Variants in GALNT8 observed in about 807,000 individuals in gnomAD.
GALNT8 encodes probable polypeptide N-acetylgalactosaminyltransferase 8.
Under a neutral mutation model 62.7 loss-of-function variants are expected in GALNT8, and 66 were observed. The ratio of observed to expected loss-of-function variants is 1.05; its 90% CI spans 0.86 to 1.29. The LOEUF (loss-of-function observed/expected upper bound fraction) is 1.29. Ranked by LOEUF, GALNT8 falls within the 50% of genes most tolerant of loss-of-function variation. The probability of loss-of-function intolerance (pLI) is 0.00; values close to 1 mark genes in which losing one functional copy is unlikely to be tolerated. For synonymous variants in GALNT8, 288 were observed against 294.3 expected, an observed-to-expected ratio of 0.98 and a Z score of 0.22; for missense variants, 771 against 791.8, an observed-to-expected ratio of 0.97 and a Z score of 0.32.
chr12:4,734,262 C>T (rs557778484), intron 2 of GALNT8, among the ~76,000 whole-genome samples: 182 of 152,248 alleles, frequency 1.2e-3, no homozygotes, highest in African/African-American at 2.2e-3. Flanking sequence ...AGCTGTGACT[C>T]GAGTGAACAC....
chr12:4,726,391 A>T lies in GALNT8; in HGVS notation c.212-141A>T. On this transcript the variant is annotated intron_variant, in intron 1 of 10. Coordinates refer to ENST00000252318, the MANE Select transcript of GALNT8 (RefSeq NM_017417.2). The surrounding 1 kb of genome is among the most constrained non-coding windows in gnomAD (Gnocchi z 4.1). ...GGCTGGATAAGTTCCCTGACATACT[A>T]CATCCTCTGTGACAAGAGCTTATAA... 1.6e-6 allele frequency: 1 copy of T among 635,248 alleles called. No homozygotes were observed. Among genetic ancestry groups the T allele is most frequent in the Non-Finnish European group, 2.7e-6 (1 of 368,412 alleles). The allele number at this position is 635,248 out of a possible 1,614,324, so 39.4% of individuals were successfully genotyped here.
At chr12:4,729,805 C>T (rs950957251) in intron 2 of GALNT8, among the ~76,000 whole-genome samples, 8 of 152,274 alleles carry the variant, frequency 5.3e-5, no homozygotes, top group African/African-American at 1.7e-4. Flanking sequence ...AATCTCTATA[C>T]TGTTTTCTTT....
At chr12:4,727,665 A>G (rs1292162846) in intron 2 of GALNT8, among the ~76,000 whole-genome samples, 1 of 152,198 alleles carries the variant, frequency 6.6e-6, no homozygotes, top group African/African-American at 2.4e-5. Flanking sequence ...TTCAAGTATC[A>G]TTCACATTAT....
chr12:4,769,189 A>G, intron 10 of GALNT8, among the ~76,000 whole-genome samples: 1 of 152,198 alleles, frequency 6.6e-6, no homozygotes, highest in East Asian at 1.9e-4. Flanking sequence ...TGTGAGGAGT[A>G]GTGAGGAATA....
chr12:4,758,776 CTTT>C (rs10612506), intron 6 of GALNT8, among the ~76,000 whole-genome samples: 9 of 147,038 alleles, frequency 6.1e-5, no homozygotes, highest in African/African-American at 1.5e-4. Context: ...AAACGGCAAT[CTTT>C]TTTTTTTTTT....
At chr12:4,729,697 G>A (rs1440211453) in intron 2 of GALNT8, among the ~76,000 whole-genome samples, 10 of 152,122 alleles carry the variant, frequency 6.6e-5, no homozygotes, top group Admixed American at 6.5e-4. Context: ...GAAAATGGGA[G>A]TGCAGTCTCT....
intron 6 of GALNT8, among the ~76,000 whole-genome samples, chr12:4,760,445 C>T (rs576356697): frequency 6.4e-4 from 98 of 152,290 alleles, no homozygotes; most frequent in Non-Finnish European, 1.1e-3. Context: ...CACATCCTGC[C>T]ATCCTTGCCA....
intron 6 of GALNT8, among the ~76,000 whole-genome samples, chr12:4,750,232 T>C (rs1565386722): frequency 6.6e-6 from 1 of 152,128 alleles, no homozygotes; most frequent in Non-Finnish European, 1.5e-5. Context: ...AGGTTTGTTA[T>C]ATCAGTAAAC....
At chr12:4,758,933 A>G (rs1327910164) in intron 6 of GALNT8, among the ~76,000 whole-genome samples, 2 of 151,942 alleles carry the variant, frequency 1.3e-5, no homozygotes, top group Non-Finnish European at 2.9e-5. Flanking sequence ...GCACCACCAC[A>G]CCAGGCTAAT....
In GALNT8 at chr12:4,763,328, T is replaced by C. The variant is rs750288370; in HGVS notation, c.1435T>C (p.Trp479Arg). Residue 479 changes from tryptophan to arginine, a missense_variant, in exon 8 of 11, where the codon TGG becomes CGG. Physicochemically the swap from Trp to Arg is moderately radical, Grantham distance 101 (BLOSUM62 -3). Coordinates refer to ENST00000252318, the MANE Select transcript of GALNT8 (RefSeq NM_017417.2). Reference protein sequence around the residue: ...REKLKCKTFDWYLKNVYPLLK... With the variant: ...REKLKCKTFDRYLKNVYPLLK... ...AAAACTGAAATGTAAAACTTTTGAC[T>C]GGTACCTGAAAAATGTTTATCCACT... 3 of 1,611,364 alleles carry C rather than the reference T, an allele frequency of 1.9e-6. No homozygotes were observed. Among genetic ancestry groups the C allele is most frequent in the Non-Finnish European group, 1.7e-6 (2 of 1,177,444 alleles).
chr12:4,766,196 A>G (rs760639929), intron 10 of GALNT8, among the ~76,000 whole-genome samples: 10 of 151,768 alleles, frequency 6.6e-5, no homozygotes, highest in Non-Finnish European at 1.3e-4. Flanking sequence ...GGTAAGAAAC[A>G]CTGAGTCTCT....
chr12:4,726,380 C>T lies in GALNT8; in HGVS notation c.212-152C>T. On this transcript the variant is annotated intron_variant, in intron 1 of 10. Coordinates refer to ENST00000252318, the MANE Select transcript of GALNT8 (RefSeq NM_017417.2). The surrounding 1 kb of genome is among the most constrained non-coding windows in gnomAD (Gnocchi z 4.1). ...CAGCCTTGCATGGCTGGATAAGTTC[C>T]CTGACATACTACATCCTCTGTGACA... 1.6e-6 allele frequency: 1 copy of T among 617,360 alleles called. No homozygotes were observed. The highest frequency in any genetic ancestry group is 2.8e-6 in the Non-Finnish European group (1 of 354,798). The allele number at this position is 617,360 out of a possible 1,614,324, so 38.2% of individuals were successfully genotyped here. A position where few individuals can be genotyped will look rare whatever the true frequency, so the allele number is the denominator to read the frequency against.
At chr12:4,765,567 T>C in intron 10 of GALNT8, 21 bp downstream of exon 10, 1 of 1,581,234 alleles carries the variant, frequency 6.3e-7, no homozygotes, top group Non-Finnish European at 8.7e-7. Flanking sequence ...TGTTTTTGTT[T>C]GTTGGTTTGT....
chr12:4,726,640 A>G lies in GALNT8; in HGVS notation c.320A>G (p.Asn107Ser). Residue 107 changes from asparagine to serine, a missense_variant, in exon 2 of 11, where the codon AAT (asparagine) becomes AGT (serine). Physicochemically the swap from Asn to Ser is conservative, Grantham distance 46 (BLOSUM62 1). Coordinates refer to ENST00000252318, the MANE Select transcript of GALNT8 (RefSeq NM_017417.2). The surrounding 1 kb of genome is among the most constrained non-coding windows in gnomAD (Gnocchi z 4.1). Reference sequence around the variant, plus strand: ...CTAAAGGCAATGGAAACCAAGGTGAATGAGACAAAGAAGCACAAAACCCAA... The same window carrying G: ...CTAAAGGCAATGGAAACCAAGGTGAGTGAGACAAAGAAGCACAAAACCCAA... Reference protein sequence around the residue: ...PLLKAMETKVNETKKHKTQMK... With the variant: ...PLLKAMETKVSETKKHKTQMK... The G allele has an allele frequency of 6.2e-7, 1 of 1,613,942 alleles. No homozygotes were observed. The highest frequency in any genetic ancestry group is 1.3e-5 in the African/African-American group (1 of 75,014).
At chr12:4,772,163 G>T (rs1007128077) in intron 10 of GALNT8, among the ~76,000 whole-genome samples, 1 of 152,212 alleles carries the variant, frequency 6.6e-6, no homozygotes, top group Non-Finnish European at 1.5e-5. Flanking sequence ...TCGTTCCATG[G>T]TAGTCAGTAC....
At chr12:4,744,422 A>C (rs1946286479) in intron 3 of GALNT8, 95 bp from the exon 4 acceptor site, 1 of 793,058 alleles carries the variant, frequency 1.3e-6, no homozygotes, top group Admixed American at 2.7e-5. Context: ...TTTATGCTGG[A>C]GGTAGTCCAG....
chr12:4,724,616 G>A (rs990122042), intron 1 of GALNT8, among the ~76,000 whole-genome samples: 1 of 152,180 alleles, frequency 6.6e-6, no homozygotes, highest in African/African-American at 2.4e-5. Context: ...GTTCCATCTG[G>A]GACACTGTAA....
At chr12:4,770,079 A>G (rs1259729140) in intron 10 of GALNT8, among the ~76,000 whole-genome samples, 2 of 152,134 alleles carry the variant, frequency 1.3e-5, no homozygotes, top group East Asian at 1.9e-4. Context: ...CGGGCAGACC[A>G]TGAACTGAGG....
Position 4,720,451 on chromosome 12 carries a change from C to G in GALNT8, c.-227C>G. ...AGCCGCTGAGCAACCTGTGGAAAGCCGCTGAGCGGTTATCCTCTCGGGGCA... is the reference window on the plus strand; with the variant it reads ...AGCCGCTGAGCAACCTGTGGAAAGCGGCTGAGCGGTTATCCTCTCGGGGCA... On this transcript the variant is annotated 5_prime_UTR_variant, in exon 1 of 11. Transcript: ENST00000252318. 1.8e-6 allele frequency: 1 copy of G among 545,350 alleles called. No individual in the cohort carries two copies. The highest frequency in any genetic ancestry group is 3.1e-5 in the East Asian group (1 of 32,076). The allele number at this position is 545,350 out of a possible 1,614,324, so 33.8% of individuals were successfully genotyped here. A position where few individuals can be genotyped will look rare whatever the true frequency, so the allele number is the denominator to read the frequency against.
Sources: gnomAD v4.1 joint callset for allele counts (sites outside exome capture counted in the v4.1 genomes callset) on GRCh38, gnomAD v4.1.1 for gene constraint, Gnocchi (gnomAD v3.1) non-coding constraint, MANE v1.5 for transcripts, NCBI Gene and HGNC (gene_info 2026-07-23, HGNC 2026-07-21) for gene names.